Variants in DEPTOR observed in about 807,000 individuals in gnomAD.
DEPTOR encodes DEP domain-containing mTOR-interacting protein.
Under a neutral mutation model 41.6 loss-of-function variants are expected in DEPTOR, and 41 were observed. The observed-to-expected ratio is 0.98, with a 90% CI of 0.77 to 1.28. The LOEUF is 1.28. Ranked by LOEUF, DEPTOR falls within the 50% of genes most tolerant of loss-of-function variation. The pLI is 0.00. For missense variants in DEPTOR, 514 were observed against 527.9 expected, an observed-to-expected ratio of 0.97 and a Z score of 0.26; for synonymous variants, 195 against 192.3, an observed-to-expected ratio of 1.01 and a Z score of -0.12.
At chr8:120,004,764 C>T (rs1049887388) in intron 6 of DEPTOR, among the ~76,000 whole-genome samples, 1 of 152,084 alleles carries the variant, frequency 6.6e-6, no homozygotes, top group East Asian at 1.9e-4. Context: ...AATTCCACTT[C>T]TTACCCATAG....
Position 120,001,572 on chromosome 8 carries a change from A to G in DEPTOR, c.652A>G (p.Arg218Gly), listed in dbSNP as rs1812351643. The G allele has an allele frequency of 6.2e-7, 1 of 1,613,734 alleles. No homozygotes were observed. The highest frequency in any genetic ancestry group is 2.2e-5 in the East Asian group (1 of 44,868). The change falls in exon 5 of 9, where the codon AGA becomes GGA. Residue 218 changes from arginine (R) to glycine (G), a missense_variant. Physicochemically the swap from Arg to Gly is moderately radical, Grantham distance 125. Coordinates refer to ENST00000286234, the MANE Select transcript of DEPTOR (RefSeq NM_022783.4). ...FVDSNLLYQF[R>G]MNFRRRRRLM... Reference sequence around the variant, plus strand: ...GGACAGCAATCTTCTCTACCAGTTCAGAATGAACTTCCGGCGGAGGCGAAG... The same window carrying G: ...GGACAGCAATCTTCTCTACCAGTTCGGAATGAACTTCCGGCGGAGGCGAAG...
chr8:119,878,503 G>A (rs562729639), intron 1 of DEPTOR, among the ~76,000 whole-genome samples: 2,659 of 151,124 alleles, frequency 0.018, 80 homozygotes, highest in African/African-American at 0.06. Flanking sequence ...TTGTGTGTGT[G>A]CTTTTAGTAG....
chr8:119,965,060 C>T (rs1179081459), intron 3 of DEPTOR, among the ~76,000 whole-genome samples, 172 bp from the exon 4 acceptor site: 1 of 151,888 alleles, frequency 6.6e-6, no homozygotes, highest in Non-Finnish European at 1.5e-5. Context: ...GCAACAAGAG[C>T]GAAAATCTGT....
intron 4 of DEPTOR, among the ~76,000 whole-genome samples, chr8:119,982,662 C>T (rs1406661641): frequency 6.6e-6 from 1 of 152,178 alleles, no homozygotes; most frequent in Non-Finnish European, 1.5e-5. Context: ...ACTGAGACTC[C>T]CCACAAAGGC....
chr8:119,894,051 A>T (rs1218549027), intron 1 of DEPTOR, among the ~76,000 whole-genome samples: 1 of 152,182 alleles, frequency 6.6e-6, no homozygotes, highest in African/African-American at 2.4e-5. Flanking sequence ...AGGAAATTTT[A>T]TTATGATATT....
chr8:120,025,791 A>T (rs1812787873), intron 8 of DEPTOR, among the ~76,000 whole-genome samples: 1 of 151,466 alleles, frequency 6.6e-6, no homozygotes, highest in African/African-American at 2.4e-5. Context: ...CACCCTTATC[A>T]TCCATTCCCC....
chr8:119,965,095 C>T, intron 3 of DEPTOR, 137 bp from the exon 4 acceptor site: 1 of 930,586 alleles, frequency 1.1e-6, no homozygotes, highest in Non-Finnish European at 1.6e-6. Flanking sequence ...AAAGAAATTA[C>T]ATGTGTGGTG....
At chr8:119,930,425 C>T (rs1174425902) in intron 3 of DEPTOR, among the ~76,000 whole-genome samples, 1 of 152,082 alleles carries the variant, frequency 6.6e-6, no homozygotes, top group Non-Finnish European at 1.5e-5. Flanking sequence ...GTAGTAGAGA[C>T]AGGGTTTCAC....
chr8:119,991,034 C>CTT (rs762692903), intron 4 of DEPTOR, among the ~76,000 whole-genome samples: 8 of 26,956 alleles, frequency 3.0e-4, no homozygotes, highest in East Asian at 9.4e-4. Flanking sequence ...GTTTTCTTTT[C>CTT]TTTCTTTCTT....
At chr8:119,967,026 C>T (rs914278029) in intron 4 of DEPTOR, among the ~76,000 whole-genome samples, 1 of 152,114 alleles carries the variant, frequency 6.6e-6, no homozygotes, top group Admixed American at 6.6e-5. Flanking sequence ...TTCATTCCTC[C>T]TGGGTGTAGG....
At chr8:119,970,166 A>T (rs1178089109) in intron 4 of DEPTOR, among the ~76,000 whole-genome samples, 1 of 152,236 alleles carries the variant, frequency 6.6e-6, no homozygotes, top group Non-Finnish European at 1.5e-5. Context: ...TGTTGACCAC[A>T]TCTATACATA....
chr8:119,884,552 A>T (rs1013441666), intron 1 of DEPTOR, among the ~76,000 whole-genome samples: 3 of 143,764 alleles, frequency 2.1e-5, no homozygotes, highest in Non-Finnish European at 4.5e-5. Context: ...AAGAAAAAAA[A>T]TACTTTTAAA....
chr8:119,985,934 A>G (rs1828825160), intron 4 of DEPTOR, among the ~76,000 whole-genome samples: 1 of 144,470 alleles, frequency 6.9e-6, no homozygotes, highest in Non-Finnish European at 1.5e-5. Context: ...TGCACATGAG[A>G]TGGGTCTCCT....
At chr8:119,924,229 C>T (rs1827935953) in intron 1 of DEPTOR, among the ~76,000 whole-genome samples, 1 of 152,102 alleles carries the variant, frequency 6.6e-6, no homozygotes, top group Admixed American at 6.6e-5. Flanking sequence ...GAGATGGATC[C>T]CACTGCTATG....
intron 3 of DEPTOR, among the ~76,000 whole-genome samples, chr8:119,934,638 A>C (rs1276428075): frequency 1.1e-4 from 17 of 152,240 alleles, no homozygotes; most frequent in African/African-American, 4.1e-4. Context: ...ACACTGCTTG[A>C]CATGGACTGA....
chr8:119,955,407 A>G (rs1488185359), intron 3 of DEPTOR, among the ~76,000 whole-genome samples: 1 of 152,098 alleles, frequency 6.6e-6, no homozygotes, highest in Non-Finnish European at 1.5e-5. Flanking sequence ...CAAACATAGG[A>G]GTTTTATAAT....
intron 1 of DEPTOR, among the ~76,000 whole-genome samples, chr8:119,881,111 G>A (rs1224659654): frequency 1.3e-5 from 2 of 152,184 alleles, no homozygotes; most frequent in African/African-American, 4.8e-5. Context: ...TTCTATAACA[G>A]GCTGCCTTTC....
At chr8:119,988,333 GGCTACAC>G (rs1291737121) in intron 4 of DEPTOR, among the ~76,000 whole-genome samples, 3 of 152,070 alleles carry the variant, frequency 2.0e-5, no homozygotes, top group Non-Finnish European at 4.4e-5. Context: ...GCCCTCCATG[GGCTACAC>G]CCACTATCTA....
intron 1 of DEPTOR, among the ~76,000 whole-genome samples, chr8:119,880,335 A>G (rs1024603405): frequency 2.6e-5 from 4 of 152,098 alleles, no homozygotes; most frequent in Admixed American, 2.0e-4. Flanking sequence ...TAGCAACTCT[A>G]TGTAGCAGAT....
Sources: gnomAD v4.1 joint callset for allele counts (sites outside exome capture counted in the v4.1 genomes callset) on GRCh38, gnomAD v4.1.1 for gene constraint, MANE v1.5 for transcripts, NCBI Gene and HGNC (gene_info 2026-07-23, HGNC 2026-07-21) for gene names.